The following APLP1 variants were observed in gnomAD, a reference collection of about 807,000 sequenced individuals.
The protein encoded by APLP1 is amyloid beta (A4) precursor-like protein 1.
In APLP1, 46 loss-of-function variants were observed where a neutral mutation model predicts 84.5. The observed-to-expected ratio is 0.54, with a 90% CI of 0.43 to 0.70. The LOEUF (loss-of-function observed/expected upper bound fraction) is 0.70. APLP1 is among the 30% of genes least tolerant of loss of function. The pLI is 0.00. For synonymous variants in APLP1, 376 were observed against 364.0 expected (o/e 1.03, Z -0.38); for missense variants, 826 against 900.2 (o/e 0.92, Z 1.05).
At position 35,869,820 on chromosome 19, in the gene APLP1, G is replaced by A. The variant is rs1402854133; in HGVS notation, c.291+10G>A. ...GGAGTACTGCAGACAGGTGGGCGGGGCCGAACGGGAGAGGCGGGGCCGCCC... is the reference window on the plus strand; with the variant it reads ...GGAGTACTGCAGACAGGTGGGCGGGACCGAACGGGAGAGGCGGGGCCGCCC... On this transcript the variant is annotated intron_variant, in intron 2 of 16. Transcript: ENST00000221891. 1.3e-6 allele frequency: 2 copies of A among 1,584,928 alleles called. No individual in the cohort carries two copies. Among genetic ancestry groups the A allele is most frequent in the South Asian group, 1.1e-5 (1 of 87,896 alleles).
intron 10 of APLP1, among the ~76,000 whole-genome samples, chr19:35,875,328 A>ATTTTT (rs35284323): frequency 7.5e-6 from 1 of 133,160 alleles, no homozygotes; most frequent in African/African-American, 2.9e-5. Flanking sequence ...CACTGGGCTA[A>ATTTTT]TTTTTTTTTT....
At chr19:35,877,502 CAAAA>C (rs79806779) in intron 11 of APLP1, among the ~76,000 whole-genome samples, 2 of 117,366 alleles carry the variant, frequency 1.7e-5, no homozygotes, top group Non-Finnish European at 3.3e-5. Context: ...AAAAAAAAAA[CAAAA>C]AAAAAACATA....
At chr19:35,875,064 C>T (rs951675866) in intron 10 of APLP1, among the ~76,000 whole-genome samples, 195 bp downstream of exon 10, 2 of 151,828 alleles carry the variant, frequency 1.3e-5, no homozygotes, top group African/African-American at 4.8e-5. Context: ...CATGCTGTGT[C>T]TTTGACCCCT....
rs139176114 is a variant in APLP1 at position 35,874,743 on chromosome 19, G to A, written c.1218G>A (p.Ala406=). 235 of 1,612,946 alleles carry A rather than the reference G, an allele frequency of 1.5e-4. No individual in the cohort carries two copies. The highest frequency in any genetic ancestry group is 5.9e-4 in the African/African-American group (44 of 75,046). ...GGCATCCTGTGTCCCTTCCACAGGC[G>A]GAGCGTGTCCTGTTGGCCCTGCGGC... ...LAALQADPPQ[A]ERVLLALRRY... is the part of the protein sequence containing the mutation. Residue 406 remains alanine, a splice_region_variant and synonymous_variant, in exon 10 of 17, where the codon GCG becomes GCA. Coordinates refer to ENST00000221891, the MANE Select transcript of APLP1 (RefSeq NM_001024807.3). This position sits in a 1 kb window ranked among gnomAD's most constrained non-coding sequence, Gnocchi z 6.4.
intron 11 of APLP1, among the ~76,000 whole-genome samples, chr19:35,876,940 C>G (rs1438279218): frequency 6.6e-6 from 1 of 152,138 alleles, no homozygotes; most frequent in African/African-American, 2.4e-5. Context: ...TGGAGCTTCT[C>G]CATGTGGTCT....
Position 35,878,931 on chromosome 19 carries a change from G to A in APLP1, c.1692G>A (p.Ser564=), listed in dbSNP as rs762155649. The part of the protein sequence containing the change: ...SVPRGFPFHS[S]EIQRDELAPA... Reference sequence around the variant, plus strand: ...CAAGGGGTTTCCCTTTCCACTCATCGGAGATTCAGAGGGATGAGCTGGTAA... The same window carrying A: ...CAAGGGGTTTCCCTTTCCACTCATCAGAGATTCAGAGGGATGAGCTGGTAA... The change falls in exon 15 of 17, where the codon TCG becomes TCA. Residue 564 remains serine, a synonymous_variant. Coordinates refer to ENST00000221891, the MANE Select transcript of APLP1 (RefSeq NM_001024807.3). The A allele has an allele frequency of 3.1e-6, 5 of 1,614,000 alleles. No individual in the cohort carries two copies. The highest frequency in any genetic ancestry group is 4.2e-6 in the Non-Finnish European group (5 of 1,180,034).
intron 12 of APLP1, 57 bp downstream of exon 12, chr19:35,877,882 T>A: frequency 6.8e-7 from 1 of 1,467,290 alleles, no homozygotes; most frequent in Non-Finnish European, 9.4e-7. Flanking sequence ...CCCAGCCTAA[T>A]TTGTAATCCC....
intron 6 of APLP1, among the ~76,000 whole-genome samples, 177 bp from the exon 7 acceptor site, chr19:35,872,306 A>C (rs1375028013): frequency 6.6e-6 from 1 of 152,120 alleles, no homozygotes; most frequent in Non-Finnish European, 1.5e-5. Context: ...ATGGATTCCT[A>C]AGCTTTGCAA....
At chr19:35,879,295 G>C (rs773709322) in intron 16 of APLP1, 48 bp from the exon 17 acceptor site, 2 of 1,610,354 alleles carry the variant, frequency 1.2e-6, no homozygotes, top group Non-Finnish European at 1.7e-6. Context: ...CTTGCGGGCA[G>C]TCCCGCCCCC....
At position 35,874,201 on chromosome 19, in the gene APLP1, C is replaced by CCAGG. The variant is rs2146908624; in HGVS notation, c.1057-301_1057-298dup. 6.6e-6 allele frequency among the ~76,000 whole-genome samples: 1 copy of CCAGG among 152,330 alleles called. No homozygotes were observed. The highest frequency in any genetic ancestry group is 2.1e-4 in the South Asian group (1 of 4,828). ...CAGCCTGTCTCCAGTTTGACCCTGC[C>CCAGG]CAGGCCAGGAGCCCTGCAAGGCTTT... On this transcript the variant is annotated intron_variant, in intron 8 of 16. Transcript: ENST00000221891. This position sits in a 1 kb window ranked among gnomAD's most constrained non-coding sequence, Gnocchi z 6.4.
At chr19:35,871,116 G>T (rs1599882810) in intron 3 of APLP1, 88 bp downstream of exon 3, 1 of 1,509,752 alleles carries the variant, frequency 6.6e-7, no homozygotes, top group South Asian at 1.3e-5. Flanking sequence ...ACATTAAGGG[G>T]CTGGGTGCTT....
Position 35,874,316 on chromosome 19 carries a change from G to C in APLP1, c.1057-188G>C, listed in dbSNP as rs1568475995. ...ACATCCTCACATTGGCTCCCAGTGG[G>C]CCTAGTCCCACCTCCACTCTGCCTG... On this transcript the variant is annotated intron_variant, in intron 8 of 16. Coordinates refer to ENST00000221891, the MANE Select transcript of APLP1 (RefSeq NM_001024807.3). This position sits in a 1 kb window ranked among gnomAD's most constrained non-coding sequence, Gnocchi z 6.4. 6.6e-6 allele frequency among the ~76,000 whole-genome samples: 1 copy of C among 152,096 alleles called. No homozygotes were observed. Among genetic ancestry groups the C allele is most frequent in the Non-Finnish European group, 1.5e-5 (1 of 68,020 alleles).
chr19:35,871,494 C>T (rs995915805), intron 4 of APLP1, 118 bp from the exon 5 acceptor site: 1 of 1,430,202 alleles, frequency 7.0e-7, no homozygotes, highest in African/African-American at 1.4e-5. Context: ...CCAACCCCTT[C>T]CTCTAGAAGC....
At chr19:35,873,777 C>T in intron 8 of APLP1, 64 bp downstream of exon 8, 1 of 1,488,662 alleles carries the variant, frequency 6.7e-7, no homozygotes, top group East Asian at 2.3e-5. Context: ...TCAGTTTCAC[C>T]TGGCTCTGGC....
intron 8 of APLP1, 107 bp downstream of exon 8, chr19:35,873,820 A>T: frequency 9.5e-7 from 1 of 1,048,492 alleles, no homozygotes. Context: ...ACCCCTTCCC[A>T]CCTATCTCAG....
rs189903816 is a variant in APLP1 at position 35,874,139 on chromosome 19, C to G, written c.1057-365C>G. ...ACCCCACTCATGTTAGCCCCCATTC[C>G]AGCTCTTTGTCCCACCCCTATCGTG... On this transcript the variant is annotated intron_variant, in intron 8 of 16. Coordinates refer to ENST00000221891, the MANE Select transcript of APLP1 (RefSeq NM_001024807.3). The surrounding 1 kb of genome is among the most constrained non-coding windows in gnomAD (Gnocchi z 6.4). Among the ~76,000 whole-genome samples the G allele has an allele frequency of 9.7e-4, 148 of 152,328 alleles. No individual in the cohort carries two copies. The highest frequency in any genetic ancestry group is 6.8e-3 in the Middle Eastern group (2 of 294).
chr19:35,868,738 G>C lies in APLP1; in HGVS notation c.102G>C (p.Gln34His). 2 of 1,386,530 alleles carry C rather than the reference G, an allele frequency of 1.4e-6. No homozygotes were observed. The highest frequency in any genetic ancestry group is 1.9e-6 in the Non-Finnish European group (2 of 1,074,098). 85.9% of individuals were successfully genotyped at this position (1,386,530 alleles called of 1,614,324 possible). A position where few individuals can be genotyped will look rare whatever the true frequency, so the allele number is the denominator to read the frequency against. ...TATTGCTGCTGCTTCTGCGCGCGCA[G>C]CCCGCCATCGGGAGCCTGGCCGGTG... is the stretch of plus-strand genomic sequence containing the variant. The part of the protein sequence containing the change: ...LPLLLLLLRA[Q>H]PAIGSLAGGS... Residue 34 changes from glutamine to histidine, a missense_variant, in exon 1 of 17, where the codon CAG becomes CAC. Physicochemically the swap from Gln to His is conservative, Grantham distance 24. This residue lies in a region of APLP1 where 383 missense variants were observed against 378.3 expected (regional missense o/e 1.01). Coordinates refer to ENST00000221891, the MANE Select transcript of APLP1 (RefSeq NM_001024807.3). The surrounding 1 kb of genome is among the most constrained non-coding windows in gnomAD (Gnocchi z 5.2).
intron 14 of APLP1, 26 bp from the exon 15 acceptor site, chr19:35,878,864 G>A (rs1322573263): frequency 5.0e-6 from 8 of 1,613,728 alleles, no homozygotes; most frequent in African/African-American, 1.3e-5. Context: ...AGGCTTCTGG[G>A]TTCCTGACAC....
At position 35,878,595 on chromosome 19, in the gene APLP1, C is replaced by G; in HGVS notation, c.1591C>G (p.Gln531Glu). Residue 531 changes from glutamine to glutamate, a missense_variant, in exon 14 of 17, where the codon CAA becomes GAA. By Grantham distance (29) the Gln-to-Glu change is conservative. Transcript: ENST00000221891. ...AGACTTGGGGGTAGGGTCCACAGAA[C>G]AAGATGCTGCATCCCCTGAGAAAGA... is the stretch of plus-strand genomic sequence containing the variant. The part of the protein sequence containing the change: ...PMTLPKGSTE[Q>E]DAASPEKEKM... The G allele has an allele frequency of 6.2e-7, 1 of 1,613,592 alleles. No homozygotes were observed. Among genetic ancestry groups the G allele is most frequent in the Non-Finnish European group, 8.5e-7 (1 of 1,179,942 alleles).
Sources: gnomAD v4.1 joint callset for allele counts (sites outside exome capture counted in the v4.1 genomes callset) on GRCh38, gnomAD v4.1.1 for gene constraint, gnomAD v4.1.1 regional missense constraint, Gnocchi (gnomAD v3.1) non-coding constraint, MANE v1.5 for transcripts, NCBI Gene and HGNC (gene_info 2026-07-23, HGNC 2026-07-21) for gene names.